Variants in KIAA0319L observed in about 807,000 individuals in gnomAD.
KIAA0319L encodes KIAA0319 like.
Under a neutral mutation model 120.1 loss-of-function variants are expected in KIAA0319L, and 55 were observed. That is an observed-to-expected ratio of 0.46 (90% confidence interval 0.37 to 0.57). The LOEUF (loss-of-function observed/expected upper bound fraction) is 0.57, where lower values mean the gene tolerates loss of function less well. Among genes scored for constraint, KIAA0319L ranks in the 20% least tolerant of loss-of-function variants. KIAA0319L has a pLI of 0.00. For synonymous variants in KIAA0319L, 398 were observed against 471.9 expected (o/e 0.84, Z 2.03); for missense variants, 1,049 against 1,255.3 (o/e 0.84, Z 2.48).
intron 3 of KIAA0319L, among the ~76,000 whole-genome samples, chr1:35,496,107 G>A (rs1644797260): frequency 6.6e-6 from 1 of 152,138 alleles, no homozygotes; most frequent in African/African-American, 2.4e-5. Context: ...TGGGCAGTTT[G>A]ATAAAAAGTT....
intron 16 of KIAA0319L, among the ~76,000 whole-genome samples, chr1:35,446,017 T>C (rs1221332053): frequency 6.6e-6 from 1 of 152,208 alleles, no homozygotes; most frequent in East Asian, 1.9e-4. Context: ...CCCAGGCTGC[T>C]GAGTATACTT....
chr1:35,494,495 A>T (rs1644721552), intron 3 of KIAA0319L, among the ~76,000 whole-genome samples: 1 of 151,958 alleles, frequency 6.6e-6, no homozygotes, highest in Non-Finnish European at 1.5e-5. Flanking sequence ...ATAAACATAT[A>T]TTACAAAGCT....
At chr1:35,513,445 T>A (rs1645556935) in intron 2 of KIAA0319L, among the ~76,000 whole-genome samples, 1 of 151,712 alleles carries the variant, frequency 6.6e-6, no homozygotes, top group African/African-American at 2.4e-5. Flanking sequence ...CGAGACCTTG[T>A]CTTTACTAAA....
At chr1:35,468,177 A>C (rs959823055) in intron 6 of KIAA0319L, among the ~76,000 whole-genome samples, 1 of 149,798 alleles carries the variant, frequency 6.7e-6, no homozygotes, top group African/African-American at 2.5e-5. Context: ...CTTTTGAAGT[A>C]TTTTCTTTGG....
chr1:35,520,166 G>A (rs1419122492), intron 2 of KIAA0319L, among the ~76,000 whole-genome samples: 2 of 151,216 alleles, frequency 1.3e-5, no homozygotes. Flanking sequence ...GCAGTAGCAC[G>A]ATCTTGGCTT....
chr1:35,551,690 T>C (rs1035888931), intron 2 of KIAA0319L, among the ~76,000 whole-genome samples: 2 of 152,194 alleles, frequency 1.3e-5, no homozygotes, highest in Admixed American at 6.5e-5. Flanking sequence ...AATCAAAGTA[T>C]ATAACAAATA....
At chr1:35,446,872 A>G (rs1163883723) in intron 16 of KIAA0319L, among the ~76,000 whole-genome samples, 1 of 152,128 alleles carries the variant, frequency 6.6e-6, no homozygotes, top group Non-Finnish European at 1.5e-5. Context: ...TCCTTCCACA[A>G]GTTCCAGCCT....
intron 2 of KIAA0319L, among the ~76,000 whole-genome samples, chr1:35,535,863 G>A (rs1363342727): frequency 6.6e-6 from 1 of 152,054 alleles, no homozygotes; most frequent in African/African-American, 2.4e-5. Flanking sequence ...TTAAGTGCTG[G>A]GGTTGTATAT....
At chr1:35,522,861 C>CA (rs1290962900) in intron 2 of KIAA0319L, among the ~76,000 whole-genome samples, 9 of 150,304 alleles carry the variant, frequency 6.0e-5, no homozygotes, top group Middle Eastern at 3.5e-3. Context: ...CCTGAAAATA[C>CA]AAAAAAAATT....
Position 35,437,663 on chromosome 1 carries a change from G to A in KIAA0319L, c.2963-2582C>T, listed in dbSNP as rs963230787. Among the ~76,000 whole-genome samples the A allele has an allele frequency of 3.3e-5, 5 of 152,078 alleles. No homozygotes were observed. Among genetic ancestry groups the A allele is most frequent in the Non-Finnish European group, 7.4e-5 (5 of 68,010 alleles). ...TTTGGCCTTTGCAGCAGCAAACACC[G>A]ACGGCTGTCCCCTAATGAATCCCCT... On this transcript the variant is annotated intron_variant, in intron 20 of 20. Transcript: ENST00000325722. The surrounding 1 kb of genome is among the most constrained non-coding windows in gnomAD (Gnocchi z 4.1).
intron 3 of KIAA0319L, among the ~76,000 whole-genome samples, chr1:35,483,515 C>T (rs564348153): frequency 2.6e-5 from 4 of 152,310 alleles, no homozygotes; most frequent in Admixed American, 1.3e-4. Context: ...CTGAACTGCA[C>T]TGGCACATCA....
chr1:35,529,242 C>T (rs1479293766), intron 2 of KIAA0319L, among the ~76,000 whole-genome samples: 2 of 152,200 alleles, frequency 1.3e-5, no homozygotes, highest in Non-Finnish European at 2.9e-5. Context: ...AATCTGTTTA[C>T]ATTCAAGGTT....
At chr1:35,495,307 A>C in intron 3 of KIAA0319L, among the ~76,000 whole-genome samples, 1 of 152,166 alleles carries the variant, frequency 6.6e-6, no homozygotes, top group East Asian at 1.9e-4. Flanking sequence ...TGGGAGATGG[A>C]GGTTGCAGTG....
chr1:35,442,858 C>G (rs1016929083), intron 18 of KIAA0319L, 48 bp downstream of exon 18: 2 of 1,612,834 alleles, frequency 1.2e-6, no homozygotes, highest in Non-Finnish European at 1.7e-6. Context: ...AGTGCAGAAC[C>G]ACATTCAGCG....
chr1:35,540,576 G>A (rs1299222014), intron 2 of KIAA0319L, among the ~76,000 whole-genome samples: 2 of 152,166 alleles, frequency 1.3e-5, no homozygotes, highest in African/African-American at 2.4e-5. Flanking sequence ...CAGGAAATGT[G>A]GATTATTAAA....
intron 20 of KIAA0319L, among the ~76,000 whole-genome samples, chr1:35,436,692 GAAAAC>G (rs1457143524): frequency 6.6e-6 from 1 of 152,096 alleles, no homozygotes; most frequent in Non-Finnish European, 1.5e-5. Context: ...AGCAACAAGA[GAAAAC>G]AAAGCCATAG....
At chr1:35,447,573 T>C (rs1259292586) in intron 16 of KIAA0319L, among the ~76,000 whole-genome samples, 11 of 150,820 alleles carry the variant, frequency 7.3e-5, no homozygotes, top group Non-Finnish European at 1.6e-4. Flanking sequence ...CCTTTTTTTT[T>C]CTTTTTTTTT....
At chr1:35,493,769 CAGG>C (rs1167922156) in intron 3 of KIAA0319L, among the ~76,000 whole-genome samples, 1 of 151,878 alleles carries the variant, frequency 6.6e-6, no homozygotes, top group Non-Finnish European at 1.5e-5. Flanking sequence ...CACTTGAGCC[CAGG>C]AGGTCATGGC....
chr1:35,467,919 C>A (rs959771228), intron 6 of KIAA0319L, among the ~76,000 whole-genome samples: 1 of 152,128 alleles, frequency 6.6e-6, no homozygotes, highest in African/African-American at 2.4e-5. Context: ...GAACTCCTGA[C>A]CTCAGGTGAT....
Sources: allele counts gnomAD v4.1 joint callset (sites outside exome capture counted in the v4.1 genomes callset), GRCh38; gene constraint gnomAD v4.1.1; non-coding constraint Gnocchi (gnomAD v3.1); transcripts MANE v1.5; gene names NCBI Gene and HGNC (gene_info 2026-07-23, HGNC 2026-07-21).